Variants in NECTIN3 observed in about 807,000 individuals in gnomAD.
NECTIN3 encodes nectin-3.
A neutral mutation model predicts 49.4 loss-of-function variants in NECTIN3; 8 were observed. The ratio of observed to expected loss-of-function variants is 0.16; its 90% CI spans 0.10 to 0.29. The LOEUF (loss-of-function observed/expected upper bound fraction) is 0.29. Ranked by LOEUF, NECTIN3 falls within the 10% of genes least tolerant of loss-of-function variation. The probability of loss-of-function intolerance (pLI) is 1.00; values close to 1 mark genes in which losing one functional copy is unlikely to be tolerated. For synonymous variants in NECTIN3, 277 were observed against 241.1 expected, an observed-to-expected ratio of 1.15 and a Z score of -1.38; for missense variants, 581 against 654.6, an observed-to-expected ratio of 0.89 and a Z score of 1.23.
intron 7 of NECTIN3, among the ~76,000 whole-genome samples, chr3:111,149,308 ACTTTT>A (rs886328574): frequency 7.9e-5 from 12 of 151,928 alleles, no homozygotes; most frequent in African/African-American, 2.9e-4. Context: ...ATTTTTCTTG[ACTTTT>A]CTTTTCTCTG....
intron 2 of NECTIN3, 108 bp downstream of exon 2, chr3:111,112,479 T>C (rs2033514381): frequency 1.4e-6 from 1 of 729,806 alleles, no homozygotes; most frequent in African/African-American, 1.8e-5. Flanking sequence ...AGGTTTAAAG[T>C]AAAATAATTC....
chr3:111,133,582 C>CATTG, intron 5 of NECTIN3, 53 bp from the exon 6 acceptor site: 2 of 1,556,526 alleles, frequency 1.3e-6, no homozygotes, highest in East Asian at 2.3e-5. Context: ...AATCAGCCTG[C>CATTG]ATTGACATTC....
chr3:111,138,689 C>T (rs1262045550), downstream of NECTIN3, among the ~76,000 whole-genome samples: 2 of 151,586 alleles, frequency 1.3e-5, no homozygotes, highest in Non-Finnish European at 3.0e-5. Context: ...TTAATAGCTG[C>T]TGTTTTTTCT....
intron 5 of NECTIN3, 67 bp downstream of exon 5, chr3:111,126,402 G>C: frequency 7.6e-7 from 1 of 1,321,702 alleles, no homozygotes; most frequent in Non-Finnish European, 1.1e-6. Flanking sequence ...GTAACAATAT[G>C]ATCCTAAGCA....
upstream of NECTIN3, among the ~76,000 whole-genome samples, chr3:111,189,325 G>C (rs2035774986): frequency 6.6e-6 from 1 of 152,092 alleles, no homozygotes; most frequent in Admixed American, 6.6e-5. Context: ...AGAGGTAGTG[G>C]GTTATGATGG....
chr3:111,072,425 C>G lies in NECTIN3; in HGVS notation c.160+248C>G, dbSNP rs972604261. On this transcript the variant is annotated intron_variant, in intron 1 of 5. Coordinates refer to ENST00000485303, the MANE Select transcript of NECTIN3 (RefSeq NM_015480.3). ...CCGCGCGGGTCGCCGTGCGGATGGC[C>G]GAGGGTTGGCGATGGTGCTTCGTGC... is the stretch of plus-strand genomic sequence containing the variant. 3.2e-5 allele frequency: 49 copies of G among 1,530,780 alleles called. No homozygotes were observed. The African/African-American group carries it at 5.8e-4, about 18-fold the overall frequency. The allele number at this position is 1,530,780 out of a possible 1,614,324, so 94.8% of individuals were successfully genotyped here. A position where few individuals can be genotyped will look rare whatever the true frequency, so the allele number is the denominator to read the frequency against.
chr3:111,118,723 A>G lies in NECTIN3; in HGVS notation c.570A>G (p.Ala190=), dbSNP rs1452448867. 6.2e-7 allele frequency: 1 copy of G among 1,614,120 alleles called. No homozygotes were observed. The highest frequency in any genetic ancestry group is 8.5e-7 in the Non-Finnish European group (1 of 1,179,962). The stretch of plus-strand genomic sequence containing the variant: ...TTGATGGAGGAAATGAAACAGTAGC[A>G]GCCATTTGCATCGCAGCCACTGGAA... The part of the protein sequence containing the change: ...SLIDGGNETV[A]AICIAATGKP... Residue 190 remains alanine, a synonymous_variant, in exon 3 of 6, where the codon GCA becomes GCG. Coordinates refer to ENST00000485303, the MANE Select transcript of NECTIN3 (RefSeq NM_015480.3).
chr3:111,102,120 C>T (rs918012990), intron 1 of NECTIN3, among the ~76,000 whole-genome samples: 1 of 152,116 alleles, frequency 6.6e-6, no homozygotes, highest in Non-Finnish European at 1.5e-5. Context: ...AAATTACCTG[C>T]ACCTAACAGG....
intron 1 of NECTIN3, among the ~76,000 whole-genome samples, chr3:111,076,992 AT>A (rs1253558526): frequency 1.3e-5 from 2 of 151,684 alleles, no homozygotes; most frequent in Non-Finnish European, 1.5e-5. Flanking sequence ...AAAAAAAAAA[AT>A]CTGAAACTTT....
chr3:111,129,332 A>C (rs1053039098), intron 5 of NECTIN3, among the ~76,000 whole-genome samples: 8 of 152,128 alleles, frequency 5.3e-5, no homozygotes, highest in African/African-American at 7.2e-5. Flanking sequence ...ATTGCCATGT[A>C]AATATGTAAA....
intron 1 of NECTIN3, chr3:111,193,519 G>A (rs528377173): frequency 7.0e-5 from 68 of 973,422 alleles, no homozygotes; most frequent in African/African-American, 5.1e-4. Context: ...AATGAATGAC[G>A]TAAAGCCAAT....
chr3:111,075,042 A>C (rs1352437009), intron 1 of NECTIN3: 1 of 152,076 alleles, frequency 6.6e-6, no homozygotes, highest in East Asian at 1.9e-4. Context: ...ACAGAAAAGA[A>C]GATCTGATAT....
chr3:111,107,716 C>CTT (rs1442743074), intron 1 of NECTIN3, among the ~76,000 whole-genome samples: 1 of 152,136 alleles, frequency 6.6e-6, no homozygotes, highest in Admixed American at 6.6e-5. Context: ...TAGTAGTAGG[C>CTT]TTAAAGATTG....
intron 1 of NECTIN3, among the ~76,000 whole-genome samples, chr3:111,099,058 G>T (rs545251782): frequency 9.9e-5 from 15 of 151,632 alleles, no homozygotes; most frequent in African/African-American, 2.9e-4. Context: ...GTTTTCTGTT[G>T]CTGTGAGCCT....
intron 7 of NECTIN3, among the ~76,000 whole-genome samples, chr3:111,183,314 T>A (rs1477120500): frequency 7.3e-6 from 1 of 137,664 alleles, no homozygotes; most frequent in Non-Finnish European, 1.5e-5. Flanking sequence ...TATTTCACTA[T>A]TTTTTTTTTT....
intron 1 of NECTIN3, among the ~76,000 whole-genome samples, chr3:111,096,236 G>A (rs1224662515): frequency 1.3e-5 from 2 of 152,164 alleles, no homozygotes; most frequent in Non-Finnish European, 2.9e-5. Flanking sequence ...GTGGCATTTT[G>A]CCCCTACCCT....
At chr3:111,186,695 C>G (rs977142896) in intron 7 of NECTIN3, among the ~76,000 whole-genome samples, 1 of 152,060 alleles carries the variant, frequency 6.6e-6, no homozygotes, top group African/African-American at 2.4e-5. Flanking sequence ...TAAAAACAAG[C>G]CTGAAAAAAC....
intron 7 of NECTIN3, among the ~76,000 whole-genome samples, chr3:111,164,906 C>G (rs1286104132): frequency 6.6e-6 from 1 of 152,204 alleles, no homozygotes; most frequent in Non-Finnish European, 1.5e-5. Context: ...AACTCAGGCA[C>G]TAGACTTAAC....
At chr3:111,093,462 T>A (rs1441563303) in intron 1 of NECTIN3, among the ~76,000 whole-genome samples, 3 of 150,854 alleles carry the variant, frequency 2.0e-5, no homozygotes, top group Non-Finnish European at 3.0e-5. Context: ...TTCGCTCTTG[T>A]TGCCCAATGT....
Sources: gnomAD v4.1 joint callset for allele counts (sites outside exome capture counted in the v4.1 genomes callset) on GRCh38, gnomAD v4.1.1 for gene constraint, MANE v1.5 for transcripts, NCBI Gene and HGNC (gene_info 2026-07-23, HGNC 2026-07-21) for gene names.